The following HSPA4 variants were observed in gnomAD, a reference collection of about 807,000 sequenced individuals.
HSPA4 encodes heat shock 70 kDa protein 4.
Under a neutral mutation model 106.2 loss-of-function variants are expected in HSPA4, and 25 were observed. The observed-to-expected ratio is 0.24, with a 90% CI of 0.17 to 0.33. The LOEUF is 0.33. HSPA4 is among the 10% of genes least tolerant of loss of function. The pLI is 1.00. For synonymous variants in HSPA4, 332 were observed against 333.6 expected (o/e 1.00, Z 0.05); for missense variants, 841 against 996.0 (o/e 0.84, Z 2.10).
intron 14 of HSPA4, 107 bp from the exon 15 acceptor site, chr5:133,097,054 C>G: frequency 1.2e-6 from 1 of 837,690 alleles, no homozygotes; most frequent in East Asian, 2.8e-5. Flanking sequence ...ACTTGCAGAA[C>G]TAAAAGGATT....
Position 133,076,836 on chromosome 5 carries a change from A to G in HSPA4, c.846A>G (p.Ser282=), listed in dbSNP as rs140392160. 1.2e-6 allele frequency: 2 copies of G among 1,612,530 alleles called. No individual in the cohort carries two copies. Among genetic ancestry groups the G allele is most frequent in the African/African-American group, 2.7e-5 (2 of 74,890 alleles). The stretch of plus-strand genomic sequence containing the variant: ...AGAAATTGATGAGTGCAAATGCTTC[A>G]GATCTCCCTTTGAGCATTGAATGTT... ...KLKKLMSANA[S]DLPLSIECFM... Residue 282 remains serine, a synonymous_variant, in exon 7 of 19, where the codon TCA becomes TCG. Transcript: ENST00000304858.
chr5:133,084,615 C>T (rs890087138), intron 7 of HSPA4, among the ~76,000 whole-genome samples: 1 of 151,944 alleles, frequency 6.6e-6, no homozygotes, highest in African/African-American at 2.4e-5. Context: ...GGATTACAGG[C>T]ATGCACCACC....
At chr5:133,086,983 T>C in intron 8 of HSPA4, 125 bp downstream of exon 8, 2 of 657,174 alleles carry the variant, frequency 3.0e-6, no homozygotes, top group Non-Finnish European at 5.2e-6. Flanking sequence ...GTGGTATATA[T>C]TAAACTTTTT....
intron 7 of HSPA4, among the ~76,000 whole-genome samples, chr5:133,086,416 T>C (rs756979378): frequency 4.6e-5 from 7 of 152,256 alleles, no homozygotes; most frequent in Non-Finnish European, 7.3e-5. Flanking sequence ...GTTCCTCTTA[T>C]TGTATTCATT....
At chr5:133,081,486 A>T (rs867556984) in intron 7 of HSPA4, among the ~76,000 whole-genome samples, 2 of 152,084 alleles carry the variant, frequency 1.3e-5, no homozygotes, top group Non-Finnish European at 2.9e-5. Context: ...TTTGAAGATA[A>T]CTTTAGGTAG....
chr5:133,069,256 T>A (rs546969075), intron 3 of HSPA4, among the ~76,000 whole-genome samples: 2,401 of 148,118 alleles, frequency 0.016, 24 homozygotes, highest in Middle Eastern at 0.038. Flanking sequence ...TATTTAAAAT[T>A]TTTTTTTTTT....
At chr5:133,080,738 C>A (rs1282218929) in intron 7 of HSPA4, among the ~76,000 whole-genome samples, 1 of 151,802 alleles carries the variant, frequency 6.6e-6, no homozygotes, top group African/African-American at 2.4e-5. Flanking sequence ...TCCTTCATGG[C>A]ATTTCTCTTG....
At chr5:133,078,481 A>G (rs1765473347) in intron 7 of HSPA4, among the ~76,000 whole-genome samples, 1 of 151,000 alleles carries the variant, frequency 6.6e-6, no homozygotes. Flanking sequence ...CTAAAAATAC[A>G]AAAACTAGCT....
At chr5:133,065,859 T>C (rs1164404266) in intron 2 of HSPA4, among the ~76,000 whole-genome samples, 1 of 152,186 alleles carries the variant, frequency 6.6e-6, no homozygotes, top group African/African-American at 2.4e-5. Context: ...GTCTGAGATA[T>C]CTGTAAAATT....
rs528827920 is a variant in HSPA4 at position 133,087,869 on chromosome 5, C to T, written c.986-535C>T. Among the ~76,000 whole-genome samples, 18 of 152,274 alleles carry T rather than the reference C, an allele frequency of 1.2e-4. No individual in the cohort carries two copies. In the South Asian group the frequency reaches 3.7e-3, roughly 32 times the overall value. On this transcript the variant is annotated intron_variant, in intron 8 of 18. Transcript: ENST00000304858. Reference sequence around the variant, plus strand: ...GAACTCCTGACCTCAGGTGATCCGCCCACTTCGGCCTCCTAAAGTACTGGG... The same window carrying T: ...GAACTCCTGACCTCAGGTGATCCGCTCACTTCGGCCTCCTAAAGTACTGGG...
intron 9 of HSPA4, among the ~76,000 whole-genome samples, chr5:133,088,833 TTAAA>T (rs966816792): frequency 6.6e-6 from 1 of 152,182 alleles, no homozygotes; most frequent in African/African-American, 2.4e-5. Flanking sequence ...TGTACATTAA[TTAAA>T]TAAGGGTTGG....
Position 133,072,642 on chromosome 5 carries a change from G to A in HSPA4, c.430-588G>A, listed in dbSNP as rs577133925. ...GGCTGGTCTCAAACTCGTGACATCA[G>A]GTGATCCACCCACCACGGCCCCCCA... On this transcript the variant is annotated intron_variant, in intron 4 of 18. Coordinates refer to ENST00000304858, the MANE Select transcript of HSPA4 (RefSeq NM_002154.4). Among the ~76,000 whole-genome samples, 5 of 150,806 alleles carry A rather than the reference G, an allele frequency of 3.3e-5. No homozygotes were observed. The South Asian group carries it at 1.1e-3, about 32-fold the overall frequency.
At chr5:133,098,486 T>C (rs990015429) in intron 15 of HSPA4, among the ~76,000 whole-genome samples, 4 of 150,860 alleles carry the variant, frequency 2.7e-5, no homozygotes, top group Admixed American at 2.0e-4. Context: ...TAATTTTTTT[T>C]TTTTTTGTAT....
At chr5:133,095,664 A>C (rs1366721558) in intron 13 of HSPA4, among the ~76,000 whole-genome samples, 2 of 152,166 alleles carry the variant, frequency 1.3e-5, no homozygotes, top group Admixed American at 6.5e-5. Context: ...AAGGTAGAAA[A>C]ATTTTTAATA....
intron 6 of HSPA4, 80 bp from the exon 7 acceptor site, chr5:133,076,570 TAAAC>T (rs1765448067): frequency 1.6e-6 from 2 of 1,236,430 alleles, no homozygotes; most frequent in South Asian, 2.9e-5. Flanking sequence ...TTTTTTTAGA[TAAAC>T]AACTTACCAG....
At chr5:133,071,346 A>C (rs1486668546) in intron 4 of HSPA4, among the ~76,000 whole-genome samples, 3 of 150,742 alleles carry the variant, frequency 2.0e-5, no homozygotes. Context: ...CTGTAGTCCC[A>C]GCTACTTGGG....
intron 1 of HSPA4, chr5:133,052,889 A>T (rs1765100102): frequency 6.5e-6 from 1 of 152,962 alleles, no homozygotes; most frequent in East Asian, 1.9e-4. Context: ...GAGCAGCCTC[A>T]GGCACGGGTT....
chr5:133,102,149 A>G (rs1397954784), intron 17 of HSPA4, among the ~76,000 whole-genome samples: 1 of 151,728 alleles, frequency 6.6e-6, no homozygotes, highest in Non-Finnish European at 1.5e-5. Context: ...CTGGTCTCGA[A>G]CTCCTGACCT....
intron 4 of HSPA4, among the ~76,000 whole-genome samples, chr5:133,072,119 T>A (rs1765389277): frequency 6.6e-6 from 1 of 152,162 alleles, no homozygotes; most frequent in African/African-American, 2.4e-5. Flanking sequence ...TGAGTCATGT[T>A]TGGGTGGGGC....
Sources: gnomAD v4.1 joint callset for allele counts (sites outside exome capture counted in the v4.1 genomes callset) on GRCh38, gnomAD v4.1.1 for gene constraint, MANE v1.5 for transcripts, NCBI Gene and HGNC (gene_info 2026-07-23, HGNC 2026-07-21) for gene names.